PTPRT: variants seen among roughly 807,000 people sequenced by gnomAD.
PTPRT encodes the protein protein tyrosine phosphatase receptor type T.
PTPRT carries 56 observed loss-of-function variants against 176.8 expected under a neutral mutation model. The observed-to-expected ratio is 0.32, with a 90% CI of 0.26 to 0.40. The LOEUF (loss-of-function observed/expected upper bound fraction) is 0.40. Ranked by LOEUF, PTPRT falls within the 10% of genes least tolerant of loss-of-function variation. The probability of loss-of-function intolerance (pLI) is 1.00; values close to 1 mark genes in which losing one functional copy is unlikely to be tolerated. For missense variants in PTPRT, 1,540 were observed against 1,908.2 expected (o/e 0.81, Z 3.60); for synonymous variants, 783 against 739.0 (o/e 1.06, Z -0.96).
In PTPRT at chr20:42,438,334, C is replaced by T. The variant is rs1216957536; in HGVS notation, c.1560+9886G>A. On this transcript the variant is annotated intron_variant, in intron 9 of 30. Coordinates refer to ENST00000373187, the MANE Select transcript of PTPRT (RefSeq NM_007050.6). ...AACTCTGGAGACAAATTATGGCAGACGTTCATGTTAAACAGCTGGGAGCCC... is the reference window on the plus strand; with the variant it reads ...AACTCTGGAGACAAATTATGGCAGATGTTCATGTTAAACAGCTGGGAGCCC... 2.6e-5 allele frequency among the ~76,000 whole-genome samples: 4 copies of T among 152,116 alleles called. No homozygotes were observed. The East Asian group carries it at 5.8e-4, about 22-fold the overall frequency.
chr20:42,677,359 G>A (rs966124850), intron 7 of PTPRT, among the ~76,000 whole-genome samples: 2 of 151,926 alleles, frequency 1.3e-5, no homozygotes, highest in African/African-American at 4.8e-5. Flanking sequence ...TCTAAATGAA[G>A]CGTTCACGGG....
chr20:43,184,750 G>T (rs2015348548), intron 1 of PTPRT, among the ~76,000 whole-genome samples: 1 of 151,688 alleles, frequency 6.6e-6, no homozygotes, highest in South Asian at 2.1e-4. Context: ...CTGTCCCGCT[G>T]TATTGACACA....
At chr20:42,036,063 G>A in the PTPRT span, among the ~76,000 whole-genome samples, 5 of 152,312 alleles carry the variant, frequency 3.3e-5, no homozygotes, top group Admixed American at 6.5e-5. Flanking sequence ...AGCTCAGTCC[G>A]ACTGTAGCCT....
intron 11 of PTPRT, among the ~76,000 whole-genome samples, chr20:42,323,819 A>T (rs2057841764): frequency 6.6e-6 from 1 of 152,156 alleles, no homozygotes; most frequent in Non-Finnish European, 1.5e-5. Flanking sequence ...CAACAATGAG[A>T]AACTATCACA....
At chr20:42,713,229 T>C (rs933740530) in intron 6 of PTPRT, among the ~76,000 whole-genome samples, 2 of 152,034 alleles carry the variant, frequency 1.3e-5, no homozygotes, top group African/African-American at 4.8e-5. Context: ...GTGGCTAGGA[T>C]AAGGAATAAA....
chr20:42,275,114 G>A (rs1445752173), intron 13 of PTPRT, among the ~76,000 whole-genome samples: 1 of 152,136 alleles, frequency 6.6e-6, no homozygotes, highest in Admixed American at 6.5e-5. Context: ...TAAGTGTCAG[G>A]CTTTACTTCT....
chr20:42,249,013 T>C (rs1200559851), intron 13 of PTPRT, among the ~76,000 whole-genome samples, 191 bp from the exon 14 acceptor site: 1 of 152,246 alleles, frequency 6.6e-6, no homozygotes, highest in Non-Finnish European at 1.5e-5. Context: ...GGATTATCAT[T>C]AGATTCTTTT....
intron 16 of PTPRT, among the ~76,000 whole-genome samples, chr20:42,168,161 TGAG>T (rs34120918): frequency 0.23 from 35,133 of 151,078 alleles, 4,453 homozygotes; most frequent in African/African-American, 0.29. Flanking sequence ...TTGAGTAGAC[TGAG>T]GAGGAGGAGG....
At chr20:43,049,058 G>T (rs1908834013) in intron 1 of PTPRT, among the ~76,000 whole-genome samples, 1 of 152,128 alleles carries the variant, frequency 6.6e-6, no homozygotes, top group South Asian at 2.1e-4. Context: ...TTCAGCAGCT[G>T]GTTCTGCTTC....
At chr20:42,597,688 T>C (rs2073696541) in intron 7 of PTPRT, among the ~76,000 whole-genome samples, 1 of 152,210 alleles carries the variant, frequency 6.6e-6, no homozygotes, top group Non-Finnish European at 1.5e-5. Flanking sequence ...GCCAGACTGA[T>C]GCTGCCATGC....
At chr20:42,260,617 C>A (rs2056732298) in intron 13 of PTPRT, among the ~76,000 whole-genome samples, 1 of 152,054 alleles carries the variant, frequency 6.6e-6, no homozygotes, top group Non-Finnish European at 1.5e-5. Context: ...CAGCAATGGG[C>A]CAAGGAGAGG....
chr20:42,046,237 G>A, the PTPRT span, among the ~76,000 whole-genome samples: 3 of 152,100 alleles, frequency 2.0e-5, no homozygotes, highest in Non-Finnish European at 4.4e-5. Flanking sequence ...TTTCTTAATC[G>A]CTTTATTCAA....
chr20:42,818,337 TCAA>T (rs560392138), intron 2 of PTPRT, among the ~76,000 whole-genome samples: 5 of 150,646 alleles, frequency 3.3e-5, no homozygotes, highest in South Asian at 4.2e-4. Context: ...AACAACAGCA[TCAA>T]CAACAACAAC....
At chr20:42,225,489 C>A (rs926214907) in intron 15 of PTPRT, among the ~76,000 whole-genome samples, 1 of 152,118 alleles carries the variant, frequency 6.6e-6, no homozygotes, top group Admixed American at 6.5e-5. Flanking sequence ...TTTCTCCCTA[C>A]CCCTTTCTTT....
chr20:42,639,544 G>T (rs2074689871), intron 7 of PTPRT, among the ~76,000 whole-genome samples: 2 of 152,052 alleles, frequency 1.3e-5, no homozygotes, highest in Non-Finnish European at 2.9e-5. Flanking sequence ...ATTTTGTAGG[G>T]GACACAGGAG....
intron 11 of PTPRT, among the ~76,000 whole-genome samples, chr20:42,343,552 G>A (rs2145484971): frequency 6.6e-6 from 1 of 152,270 alleles, no homozygotes; most frequent in African/African-American, 2.4e-5. Context: ...CGACTGTGCT[G>A]GCCCTTTGGC....
intron 14 of PTPRT, among the ~76,000 whole-genome samples, chr20:42,241,311 G>A (rs2056349301): frequency 6.6e-6 from 1 of 152,094 alleles, no homozygotes; most frequent in Non-Finnish European, 1.5e-5. Context: ...GGAGGAGAGG[G>A]GAAGGGAATT....
chr20:43,089,682 C>A (rs951237010), intron 1 of PTPRT, among the ~76,000 whole-genome samples: 1 of 152,118 alleles, frequency 6.6e-6, no homozygotes, highest in Non-Finnish European at 1.5e-5. Context: ...ATGGAAGCAC[C>A]AGCATGGGTG....
chr20:42,048,886 A>G, the PTPRT span, among the ~76,000 whole-genome samples: 2 of 152,176 alleles, frequency 1.3e-5, no homozygotes, highest in Non-Finnish European at 2.9e-5. Flanking sequence ...CAGTGGCGCA[A>G]TCTCGGCTCA....
Sources: allele counts gnomAD v4.1 joint callset (sites outside exome capture counted in the v4.1 genomes callset), GRCh38; gene constraint gnomAD v4.1.1; transcripts MANE v1.5; gene names NCBI Gene and HGNC (gene_info 2026-07-23, HGNC 2026-07-21).